The following KAT6B variants were observed in gnomAD, a reference collection of about 807,000 sequenced individuals.
KAT6B encodes histone acetyltransferase KAT6B.
KAT6B carries 10 observed loss-of-function variants against 187.5 expected under a neutral mutation model. The observed-to-expected ratio is 0.05, with a 90% CI of 0.03 to 0.09. KAT6B has a LOEUF of 0.09. KAT6B is among the 10% of genes least tolerant of loss of function. The probability of loss-of-function intolerance (pLI) is 1.00; values close to 1 mark genes in which losing one functional copy is unlikely to be tolerated. For synonymous variants in KAT6B, 861 were observed against 926.8 expected, an observed-to-expected ratio of 0.93 and a Z score of 1.29; for missense variants, 1,952 against 2,558.9, an observed-to-expected ratio of 0.76 and a Z score of 5.12.
At chr10:74,848,977 T>G (rs1217728994) in intron 3 of KAT6B, among the ~76,000 whole-genome samples, 1 of 152,218 alleles carries the variant, frequency 6.6e-6, no homozygotes, top group Non-Finnish European at 1.5e-5. Context: ...AATTACAATC[T>G]AGTCAACTAA....
chr10:74,952,846 ATTTTTTTT>A (rs34687036), intron 3 of KAT6B, among the ~76,000 whole-genome samples: 85 of 90,544 alleles, frequency 9.4e-4, no homozygotes, highest in African/African-American at 1.1e-3. Flanking sequence ...TGCCTGGCTA[ATTTTTTTT>A]TTTTTTTTTT....
chr10:74,900,321 T>A (rs1203629799), intron 3 of KAT6B, among the ~76,000 whole-genome samples: 1 of 152,238 alleles, frequency 6.6e-6, no homozygotes, highest in Non-Finnish European at 1.5e-5. Flanking sequence ...AGACACCTAA[T>A]GTTCAAAACA....
chr10:74,848,380 C>G (rs926037777), intron 3 of KAT6B, among the ~76,000 whole-genome samples: 2 of 152,076 alleles, frequency 1.3e-5, no homozygotes, highest in East Asian at 3.9e-4. Flanking sequence ...TGGCACACGC[C>G]TATAATCCCA....
intron 1 of KAT6B, among the ~76,000 whole-genome samples, chr10:74,832,361 A>G (rs1840923390): frequency 1.3e-5 from 2 of 152,174 alleles, no homozygotes; most frequent in Non-Finnish European, 2.9e-5. Flanking sequence ...GCAGTGGCTC[A>G]TGCCTGTAAT....
chr10:74,928,103 A>G (rs573878972), intron 3 of KAT6B, among the ~76,000 whole-genome samples: 70 of 152,356 alleles, frequency 4.6e-4, no homozygotes, highest in Non-Finnish European at 7.9e-4. Context: ...CATTTTGTAT[A>G]GCTGTAATAT....
chr10:75,025,570 C>T (rs1845759268), intron 17 of KAT6B: 4 of 266,906 alleles, frequency 1.5e-5, no homozygotes, highest in Non-Finnish European at 1.4e-5. Context: ...CTAATATGTA[C>T]TTTTTTTTTT....
chr10:74,902,208 GTAGT>G (rs1846451125), intron 3 of KAT6B, among the ~76,000 whole-genome samples: 1 of 152,128 alleles, frequency 6.6e-6, no homozygotes, highest in Non-Finnish European at 1.5e-5. Context: ...GGGGCTCTTG[GTAGT>G]TTCAGCTCTC....
chr10:74,873,727 T>G (rs1844189415), intron 3 of KAT6B, among the ~76,000 whole-genome samples: 1 of 152,142 alleles, frequency 6.6e-6, no homozygotes. Context: ...TGTTCCCCAC[T>G]TGGTGCACCC....
chr10:74,880,412 A>T (rs955434506), intron 3 of KAT6B, among the ~76,000 whole-genome samples: 10 of 152,212 alleles, frequency 6.6e-5, no homozygotes, highest in Non-Finnish European at 5.9e-5. Context: ...TCAGTACTTC[A>T]TTCTTTATAA....
At chr10:74,891,315 A>G (rs1845631957) in intron 3 of KAT6B, among the ~76,000 whole-genome samples, 3 of 152,234 alleles carry the variant, frequency 2.0e-5, no homozygotes, top group Admixed American at 1.3e-4. Flanking sequence ...GGCTCTGCAC[A>G]TGCCTTGCTG....
intron 4 of KAT6B, among the ~76,000 whole-genome samples, chr10:74,965,795 G>A (rs1280707183): frequency 1.3e-5 from 2 of 150,828 alleles, no homozygotes; most frequent in Admixed American, 6.6e-5. Flanking sequence ...GCGTGATCTC[G>A]GTTCACTGCA....
Position 74,989,036 on chromosome 10 carries a change from G to A in KAT6B, c.2553G>A (p.Gln851=). The change falls in exon 13 of 18, where the codon CAG becomes CAA. Residue 851 remains glutamine, a synonymous_variant. Transcript: ENST00000287239. The part of the protein sequence containing the change: ...GYFSKEKLCQ[Q]KYNVSCIMIM... ...TCCCTCAGGAAAAGCTTTGCCAGCA[G>A]AAGTATAATGTCTCCTGCATAATGA... The A allele has an allele frequency of 6.2e-7, 1 of 1,613,752 alleles. No individual in the cohort carries two copies. Among genetic ancestry groups the A allele is most frequent in the Non-Finnish European group, 8.5e-7 (1 of 1,179,626 alleles).
chr10:74,907,185 G>A (rs1846831879), intron 3 of KAT6B, among the ~76,000 whole-genome samples: 1 of 152,184 alleles, frequency 6.6e-6, no homozygotes. Flanking sequence ...TTTCACTACA[G>A]AGAGTTGTCT....
intron 1 of KAT6B, chr10:74,827,345 G>C (rs937605778): frequency 6.5e-6 from 1 of 153,064 alleles, no homozygotes; most frequent in African/African-American, 2.4e-5. Context: ...TGGATGTGGA[G>C]TAGAGTTGAA....
At chr10:74,917,483 G>A (rs1847777181) in intron 3 of KAT6B, among the ~76,000 whole-genome samples, 1 of 151,852 alleles carries the variant, frequency 6.6e-6, no homozygotes, top group East Asian at 1.9e-4. Flanking sequence ...TCCTTTCTTT[G>A]TCTTTCATGA....
At chr10:74,963,829 A>G (rs1034682453) in intron 4 of KAT6B, among the ~76,000 whole-genome samples, 5 of 152,184 alleles carry the variant, frequency 3.3e-5, no homozygotes, top group Non-Finnish European at 7.4e-5. Context: ...GATATGATCC[A>G]AAGAAGAAAA....
chr10:74,889,016 G>T (rs1252674472), intron 3 of KAT6B, among the ~76,000 whole-genome samples: 3 of 151,988 alleles, frequency 2.0e-5, no homozygotes, highest in Non-Finnish European at 4.4e-5. Flanking sequence ...CTAACAATTG[G>T]TGACATAGTT....
intron 13 of KAT6B, among the ~76,000 whole-genome samples, chr10:75,009,295 CT>C (rs558802661): frequency 2.3e-3 from 353 of 152,244 alleles, no homozygotes; most frequent in African/African-American, 8.2e-3. Flanking sequence ...ACTCCCAGAG[CT>C]TTTTTTCTCA....
chr10:74,853,620 CT>C (rs542210569), intron 3 of KAT6B, among the ~76,000 whole-genome samples: 3,056 of 122,576 alleles, frequency 0.025, 84 homozygotes, highest in African/African-American at 0.083. Context: ...TAAGAAATGC[CT>C]TTTTTTTTTT....
Sources: allele counts gnomAD v4.1 joint callset (sites outside exome capture counted in the v4.1 genomes callset), GRCh38; gene constraint gnomAD v4.1.1; transcripts MANE v1.5; gene names NCBI Gene and HGNC (gene_info 2026-07-23, HGNC 2026-07-21).